LTBP1: variants seen among roughly 807,000 people sequenced by gnomAD.
LTBP1 encodes the protein latent-transforming growth factor beta-binding protein 1.
A neutral mutation model predicts 207.6 loss-of-function variants in LTBP1; 129 were observed. That is an observed-to-expected ratio of 0.62 (90% CI 0.54 to 0.72). LTBP1 has a LOEUF of 0.72. LTBP1 is among the 30% of genes least tolerant of loss of function. LTBP1 has a pLI of 0.00. For missense variants in LTBP1, 2,281 were observed against 2,217.2 expected, an observed-to-expected ratio of 1.03 and a Z score of -0.58; for synonymous variants, 963 against 833.7, an observed-to-expected ratio of 1.16 and a Z score of -2.67.
chr2:33,217,365 G>A (rs895477229), intron 7 of LTBP1, among the ~76,000 whole-genome samples, 187 bp from the exon 8 acceptor site: 1 of 152,202 alleles, frequency 6.6e-6, no homozygotes, highest in Non-Finnish European at 1.5e-5. Context: ...AAATGTACTT[G>A]TTCATTTTTG....
At chr2:33,086,893 T>A (rs10187832) in intron 3 of LTBP1, among the ~76,000 whole-genome samples, 10,347 of 151,766 alleles carry the variant, frequency 0.068, 419 homozygotes, top group South Asian at 0.18. Flanking sequence ...ATTTATTTAT[T>A]TTTTTTGGTG....
At chr2:33,242,519 T>C (rs2149759310) in intron 9 of LTBP1, among the ~76,000 whole-genome samples, 1 of 152,220 alleles carries the variant, frequency 6.6e-6, no homozygotes, top group Admixed American at 6.5e-5. Context: ...ACTGAACTCC[T>C]CTTCTTCCTG....
intron 24 of LTBP1, among the ~76,000 whole-genome samples, chr2:33,333,411 A>G (rs2094519433): frequency 6.6e-6 from 1 of 152,196 alleles, no homozygotes; most frequent in Non-Finnish European, 1.5e-5. Flanking sequence ...CTTCTAGGAT[A>G]TTGTTATAAT....
intron 3 of LTBP1, among the ~76,000 whole-genome samples, chr2:33,076,970 G>A (rs1211897237): frequency 3.3e-5 from 5 of 152,220 alleles, no homozygotes; most frequent in African/African-American, 9.7e-5. Flanking sequence ...TGTTTTGACT[G>A]TAAGTGGTTA....
intron 23 of LTBP1, among the ~76,000 whole-genome samples, chr2:33,310,877 C>T (rs1004518815): frequency 2.6e-5 from 4 of 152,002 alleles, no homozygotes. Flanking sequence ...ACTTATTTTA[C>T]CTTTATATCT....
At chr2:33,390,917 C>T (rs1309606103) in intron 32 of LTBP1, among the ~76,000 whole-genome samples, 5 of 152,088 alleles carry the variant, frequency 3.3e-5, no homozygotes, top group Non-Finnish European at 7.4e-5. Context: ...CTAGCCAGGA[C>T]CCAGTTCTGG....
intron 2 of LTBP1, among the ~76,000 whole-genome samples, chr2:32,983,894 A>G (rs1385849955): frequency 6.6e-6 from 1 of 152,230 alleles, no homozygotes; most frequent in East Asian, 1.9e-4. Flanking sequence ...TACATTCTCT[A>G]AAGCATCCTC....
At position 33,182,697 on chromosome 2, in the gene LTBP1, T is replaced by TAC. The variant is rs1286844023; in HGVS notation, c.1202-4158_1202-4157insCA. ...AGAAGAAAAGATGGTGATATATATATATACACACACACACACACACACACA... is the reference window on the plus strand; with the variant it reads ...AGAAGAAAAGATGGTGATATATATATACATACACACACACACACACACACACA... On this transcript the variant is annotated intron_variant, in intron 5 of 33. Transcript: ENST00000404816. Among the ~76,000 whole-genome samples, 21 of 87,874 alleles carry TAC rather than the reference T, an allele frequency of 2.4e-4. 1 individual carries two copies. The highest frequency in any genetic ancestry group is 9.2e-4 in the South Asian group (3 of 3,270). 57.6% of individuals were successfully genotyped at this position (87,874 alleles called of 152,430 possible). A position where few individuals can be genotyped will look rare whatever the true frequency, so the allele number is the denominator to read the frequency against.
intron 9 of LTBP1, 35 bp from the exon 10 acceptor site, chr2:33,243,627 G>C: frequency 6.2e-7 from 1 of 1,611,008 alleles, no homozygotes; most frequent in Non-Finnish European, 8.5e-7. Flanking sequence ...AATGGGGCTT[G>C]ACTGCTCCTT....
In LTBP1 at chr2:33,217,631, G is replaced by C; in HGVS notation, c.1781G>C (p.Cys594Ser). The stretch of plus-strand genomic sequence containing the variant: ...GGTACCTCCTGGGGCTTTAACAAAT[G>C]CCAGAAATGCCCCAAGAAACCATGT... ...TVGTSWGFNK[C>S]QKCPKKPSYH... The change falls in exon 8 of 34, where the codon TGC becomes TCC. Residue 594 changes from cysteine (C) to serine (S), a missense_variant. This residue lies in a region of LTBP1 where 1,671 missense variants were observed against 1,634.8 expected (regional missense o/e 1.02). Transcript: ENST00000404816. 1 of 1,613,498 alleles carries C rather than the reference G, an allele frequency of 6.2e-7. No homozygotes were observed. Among genetic ancestry groups the C allele is most frequent in the Non-Finnish European group, 8.5e-7 (1 of 1,179,586 alleles).
chr2:33,241,121 G>A (rs1558870490), intron 9 of LTBP1, among the ~76,000 whole-genome samples: 1 of 152,114 alleles, frequency 6.6e-6, no homozygotes. Context: ...AAAAATAGAT[G>A]AACCAAGGCA....
chr2:33,341,527 T>A (rs1162111409), intron 24 of LTBP1, among the ~76,000 whole-genome samples: 3 of 151,616 alleles, frequency 2.0e-5, no homozygotes, highest in African/African-American at 7.3e-5. Context: ...CTGGCTAACA[T>A]GGTGAAACAC....
chr2:33,138,901 C>G (rs2082379084), intron 5 of LTBP1, among the ~76,000 whole-genome samples: 1 of 131,508 alleles, frequency 7.6e-6, no homozygotes, highest in Admixed American at 8.7e-5. Flanking sequence ...CTCTGTCGCC[C>G]AGGCTGGAGT....
At chr2:33,284,457 T>G (rs2093623840) in intron 19 of LTBP1, among the ~76,000 whole-genome samples, 1 of 152,138 alleles carries the variant, frequency 6.6e-6, no homozygotes, top group African/African-American at 2.4e-5. Context: ...CTCTAGAGAG[T>G]CACGTTCGTC....
chr2:32,984,421 T>C (rs1683225351), intron 2 of LTBP1, among the ~76,000 whole-genome samples: 2 of 152,088 alleles, frequency 1.3e-5, no homozygotes, highest in African/African-American at 2.4e-5. Flanking sequence ...TTCCTGATGG[T>C]TTTTCAAAAA....
chr2:33,307,617 C>G (rs954370829), intron 22 of LTBP1, among the ~76,000 whole-genome samples: 2 of 152,176 alleles, frequency 1.3e-5, no homozygotes, highest in Non-Finnish European at 2.9e-5. Context: ...GATGTGTATA[C>G]ATTTGTCAAA....
rs1357148603 is a variant in LTBP1 at position 33,001,374 on chromosome 2, G to A, written c.566-19535G>A. 3.0e-5 allele frequency among the ~76,000 whole-genome samples: 4 copies of A among 134,894 alleles called. 1 individual carries two copies. Among genetic ancestry groups the A allele is most frequent in the Non-Finnish European group, 6.5e-5 (4 of 61,296 alleles). 88.5% of individuals were successfully genotyped at this position (134,894 alleles called of 152,430 possible). A position where few individuals can be genotyped will look rare whatever the true frequency, so the allele number is the denominator to read the frequency against. ...CAAACCCAGAGTTTCTGATTCCATG[G>A]GTCTGAGGTGGGACGTGAGAACTTG... On this transcript the variant is annotated intron_variant, in intron 2 of 33. Coordinates refer to ENST00000404816, the MANE Select transcript of LTBP1 (RefSeq NM_206943.4).
intron 24 of LTBP1, among the ~76,000 whole-genome samples, chr2:33,337,847 C>T (rs375537732): frequency 5.5e-4 from 84 of 152,270 alleles, no homozygotes; most frequent in East Asian, 1.9e-3. Context: ...TTCACTTGTT[C>T]GTTTAGTCTT....
At chr2:33,279,247 T>C (rs2093508256) in intron 18 of LTBP1, among the ~76,000 whole-genome samples, 1 of 152,212 alleles carries the variant, frequency 6.6e-6, no homozygotes, top group African/African-American at 2.4e-5. Flanking sequence ...ACTGTTGAAC[T>C]CTCTCTTATA....
Sources: allele counts gnomAD v4.1 joint callset (sites outside exome capture counted in the v4.1 genomes callset), GRCh38; gene constraint gnomAD v4.1.1; regional missense constraint gnomAD v4.1.1; transcripts MANE v1.5; gene names NCBI Gene and HGNC (gene_info 2026-07-23, HGNC 2026-07-21).